The following ASIC2 variants were observed in gnomAD, a reference collection of about 807,000 sequenced individuals.
ASIC2 encodes the protein acid sensing ion channel subunit 2.
In ASIC2, 25 loss-of-function variants were observed where a neutral mutation model predicts 57.3. The observed-to-expected ratio is 0.44, with a 90% CI of 0.32 to 0.61. The LOEUF is 0.61. Among genes scored for constraint, ASIC2 ranks in the 20% least tolerant of loss-of-function variants. The pLI is 0.06. For synonymous variants in ASIC2, 319 were observed against 307.5 expected, an observed-to-expected ratio of 1.04 and a Z score of -0.39; for missense variants, 641 against 738.1, an observed-to-expected ratio of 0.87 and a Z score of 1.52.
chr17:33,069,927 T>C (rs1302890329), intron 3 of ASIC2, among the ~76,000 whole-genome samples: 1 of 152,166 alleles, frequency 6.6e-6, no homozygotes, highest in Non-Finnish European at 1.5e-5. Flanking sequence ...CCTTCCCTCA[T>C]TTTCTGCCTC....
Position 33,252,011 on chromosome 17 carries a change from C to T in ASIC2, c.708+39397G>A, listed in dbSNP as rs138261364. On this transcript the variant is annotated intron_variant, in intron 1 of 9. Transcript: ENST00000225823. ...TAAGCAGGCCAGGTACTATCATGTC[C>T]GTTTTTCAGATAGGAGAATTGAGGT... Among the ~76,000 whole-genome samples the T allele has an allele frequency of 1.4e-4, 21 of 152,286 alleles. No individual in the cohort carries two copies. The East Asian group carries it at 3.1e-3, about 22-fold the overall frequency.
intron 1 of ASIC2, among the ~76,000 whole-genome samples, chr17:33,867,452 T>C (rs542042612): frequency 6.6e-6 from 1 of 152,346 alleles, no homozygotes; most frequent in Admixed American, 6.5e-5. Flanking sequence ...CTTACCAAGG[T>C]TGCACAGCTA....
At chr17:33,610,054 GCACACACACA>G (rs57533251) in intron 1 of ASIC2, among the ~76,000 whole-genome samples, 15 of 144,848 alleles carry the variant, frequency 1.0e-4, no homozygotes, top group Middle Eastern at 3.6e-3. Context: ...GGACAGAGGC[GCACACACACA>G]CACACACACA....
intron 1 of ASIC2, chr17:34,080,786 T>C (rs753339874): frequency 2.6e-5 from 4 of 152,306 alleles, no homozygotes; most frequent in African/African-American, 7.2e-5. Flanking sequence ...CCCAATATCA[T>C]TGAATGAATT....
intron 1 of ASIC2, among the ~76,000 whole-genome samples, chr17:33,785,698 TATGAA>T (rs1333117332): frequency 6.6e-5 from 10 of 152,214 alleles, no homozygotes; most frequent in African/African-American, 2.2e-4. Flanking sequence ...TATTCTCACT[TATGAA>T]ATGAAATGGT....
At chr17:33,301,545 T>C (rs1231900970) in intron 1 of ASIC2, among the ~76,000 whole-genome samples, 2 of 152,194 alleles carry the variant, frequency 1.3e-5, no homozygotes, top group Non-Finnish European at 2.9e-5. Flanking sequence ...ATAGTGGTTA[T>C]TTATTGAGCA....
chr17:33,049,362 A>T (rs993907426), intron 3 of ASIC2, among the ~76,000 whole-genome samples: 1 of 152,126 alleles, frequency 6.6e-6, no homozygotes, highest in Admixed American at 6.5e-5. Context: ...AACAGCTCAT[A>T]TCTCACTGTT....
intron 1 of ASIC2, among the ~76,000 whole-genome samples, chr17:34,059,692 G>A (rs1908898925): frequency 6.6e-6 from 1 of 152,170 alleles, no homozygotes; most frequent in African/African-American, 2.4e-5. Flanking sequence ...GGTTGGCATA[G>A]GAGCTGGGTG....
chr17:33,874,605 G>T (rs923669867), intron 1 of ASIC2, among the ~76,000 whole-genome samples: 1 of 152,298 alleles, frequency 6.6e-6, no homozygotes, highest in African/African-American at 2.4e-5. Context: ...ATGCAACTTT[G>T]TTCCCCTGCC....
At chr17:33,403,071 T>C (rs1332764738) in intron 1 of ASIC2, among the ~76,000 whole-genome samples, 1 of 152,228 alleles carries the variant, frequency 6.6e-6, no homozygotes. Flanking sequence ...AATCAGATTC[T>C]TTAGATTCTG....
At chr17:33,418,068 G>T (rs2141969614) in intron 1 of ASIC2, among the ~76,000 whole-genome samples, 1 of 130,826 alleles carries the variant, frequency 7.6e-6, no homozygotes, top group South Asian at 2.5e-4. Context: ...GTGTGTGTGT[G>T]TGTGTGTGTG....
intron 1 of ASIC2, among the ~76,000 whole-genome samples, chr17:33,907,038 A>T (rs1286441589): frequency 3.9e-5 from 6 of 152,082 alleles, no homozygotes; most frequent in Non-Finnish European, 5.9e-5. Context: ...ATCAGCTCTT[A>T]ACAAGGGTTG....
At chr17:33,248,405 T>C (rs1908767359) in intron 1 of ASIC2, among the ~76,000 whole-genome samples, 2 of 152,206 alleles carry the variant, frequency 1.3e-5, no homozygotes. Flanking sequence ...CCACTGGGTG[T>C]TTTTGAACAA....
At chr17:33,469,495 A>T (rs1436877315) in intron 1 of ASIC2, among the ~76,000 whole-genome samples, 1 of 152,184 alleles carries the variant, frequency 6.6e-6, no homozygotes, top group Non-Finnish European at 1.5e-5. Flanking sequence ...CTGCAGGAAG[A>T]GGAACACGGA....
chr17:33,982,090 G>C (rs1190937318), intron 1 of ASIC2, among the ~76,000 whole-genome samples: 1 of 152,178 alleles, frequency 6.6e-6, no homozygotes, highest in Non-Finnish European at 1.5e-5. Context: ...CTGCATCCTT[G>C]TTCTCCTGGG....
chr17:33,810,436 T>C (rs1424746618), intron 1 of ASIC2, among the ~76,000 whole-genome samples: 1 of 152,198 alleles, frequency 6.6e-6, no homozygotes, highest in Admixed American at 6.5e-5. Context: ...GAGGCATCAG[T>C]AATTCTTGTT....
chr17:33,261,892 C>T (rs981316857), intron 1 of ASIC2, among the ~76,000 whole-genome samples: 1 of 152,214 alleles, frequency 6.6e-6, no homozygotes, highest in African/African-American at 2.4e-5. Context: ...GCTGGCCTGC[C>T]TGGTCCCTCT....
At chr17:33,892,224 A>C (rs1268241846) in intron 1 of ASIC2, among the ~76,000 whole-genome samples, 1 of 152,220 alleles carries the variant, frequency 6.6e-6, no homozygotes, top group Non-Finnish European at 1.5e-5. Context: ...GAATGGTGAG[A>C]TCTGTAAAGG....
intron 1 of ASIC2, among the ~76,000 whole-genome samples, chr17:33,870,923 G>A (rs778580221): frequency 6.6e-6 from 1 of 152,240 alleles, no homozygotes; most frequent in Non-Finnish European, 1.5e-5. Flanking sequence ...GCAGGAGCTA[G>A]AGAGATAAGA....
Sources: gnomAD v4.1 joint callset for allele counts (sites outside exome capture counted in the v4.1 genomes callset) on GRCh38, gnomAD v4.1.1 for gene constraint, MANE v1.5 for transcripts, NCBI Gene and HGNC (gene_info 2026-07-23, HGNC 2026-07-21) for gene names.